Variants in JCHAIN observed in about 807,000 individuals in gnomAD.
The protein encoded by JCHAIN is joining chain of multimeric IgA and IgM, also known as immunoglobulin J chain.
In JCHAIN, 5 loss-of-function variants were observed where a neutral mutation model predicts 11.1. The ratio of observed to expected loss-of-function variants is 0.45; its 90% CI spans 0.24 to 0.95. The LOEUF is 0.95. Ranked by LOEUF, JCHAIN falls within the 40% of genes least tolerant of loss-of-function variation. The pLI is 0.21. For synonymous variants in JCHAIN, 51 were observed against 67.8 expected (o/e 0.75, Z 1.22); for missense variants, 165 against 192.7 (o/e 0.86, Z 0.85).
intron 2 of JCHAIN, among the ~76,000 whole-genome samples, chr4:70,659,136 T>C (rs13102821): frequency 6.6e-6 from 1 of 152,198 alleles, no homozygotes; most frequent in Non-Finnish European, 1.5e-5. Context: ...CCCTATAAAG[T>C]ATATGTGTAT....
Position 70,656,457 on chromosome 4 carries a change from T to G in JCHAIN, c.352A>C (p.Ser118Arg). 1 of 1,613,856 alleles carries G rather than the reference T, an allele frequency of 6.2e-7. No individual in the cohort carries two copies. The highest frequency in any genetic ancestry group is 8.5e-7 in the Non-Finnish European group (1 of 1,179,718). ...TAAGTGTAGCAGGTCTCTGTAGCACTGTCTTCATCACAGATATTGCTCTGG... is the reference window on the plus strand; with the variant it reads ...TAAGTGTAGCAGGTCTCTGTAGCACGGTCTTCATCACAGATATTGCTCTGG... ...ATQSNICDED[S>R]ATETCYTYDR... Residue 118 changes from serine (S) to arginine (R), a missense_variant, in exon 4 of 4, where the codon AGT becomes CGT. Coordinates refer to ENST00000254801, the MANE Select transcript of JCHAIN (RefSeq NM_144646.4).
Position 70,656,670 on chromosome 4 carries a change from T to A in JCHAIN, c.270-131A>T. ...AGCAAGGGATGACTCCTTTCAGACA[T>A]AAGCAGCTCTACAATACAGAATAGC... On this transcript the variant is annotated intron_variant, in intron 3 of 3. Coordinates refer to ENST00000254801, the MANE Select transcript of JCHAIN (RefSeq NM_144646.4). 7.5e-6 allele frequency: 5 copies of A among 662,270 alleles called. No homozygotes were observed. The South Asian group carries it at 8.9e-5, about 12-fold the overall frequency. The allele number at this position is 662,270 out of a possible 1,614,324, so 41.0% of individuals were successfully genotyped here.
At position 70,657,238 on chromosome 4, in the gene JCHAIN, G is replaced by C; in HGVS notation, c.242C>G (p.Thr81Ser). 6.2e-7 allele frequency: 1 copy of C among 1,602,456 alleles called. No homozygotes were observed. The highest frequency in any genetic ancestry group is 8.5e-7 in the Non-Finnish European group (1 of 1,170,002). The change falls in exon 3 of 4, where the codon ACC (threonine) becomes AGC (serine). Residue 81 changes from threonine (T) to serine (S), a missense_variant. By Grantham distance (58) the Thr-to-Ser change is moderately conservative. Coordinates refer to ENST00000254801, the MANE Select transcript of JCHAIN (RefSeq NM_144646.4). ...GTCAGACAAATGGTACACAAATCTG[G>C]TTCTCAATGGTGAGGTGGGATCAGA... ...NISDPTSPLRTRFVYHLSDLC... is the reference protein window; with the variant it reads ...NISDPTSPLRSRFVYHLSDLC...
intron 2 of JCHAIN, among the ~76,000 whole-genome samples, chr4:70,657,497 A>T (rs17734559): frequency 0.1 from 15,422 of 152,172 alleles, 1,044 homozygotes; most frequent in Middle Eastern, 0.14. Flanking sequence ...ACCTCACAAC[A>T]ACTCCGCTGT....
chr4:70,656,884 T>A (rs1243260671), intron 3 of JCHAIN, among the ~76,000 whole-genome samples: 1 of 152,210 alleles, frequency 6.6e-6, no homozygotes, highest in African/African-American at 2.4e-5. Flanking sequence ...AAAAAATTGA[T>A]GTTGGAGTCT....
intron 1 of JCHAIN, among the ~76,000 whole-genome samples, chr4:70,663,025 T>C (rs182249106): frequency 6.6e-6 from 1 of 152,060 alleles, no homozygotes; most frequent in Admixed American, 6.5e-5. Context: ...GTGCTGTAAA[T>C]TTGCAAAAGC....
chr4:70,658,111 T>TC (rs1738985033), intron 2 of JCHAIN, among the ~76,000 whole-genome samples: 1 of 152,140 alleles, frequency 6.6e-6, no homozygotes, highest in Admixed American at 6.6e-5. Context: ...CATACCTGAA[T>TC]CCTCCCCTGT....
At chr4:70,660,934 A>G (rs1403304241) in intron 2 of JCHAIN, among the ~76,000 whole-genome samples, 1 of 152,186 alleles carries the variant, frequency 6.6e-6, no homozygotes, top group Non-Finnish European at 1.5e-5. Context: ...AATATTCTCT[A>G]TTTATTTTTA....
chr4:70,659,549 C>CAAAAAAAAAAAAAA (rs35627461), intron 2 of JCHAIN, among the ~76,000 whole-genome samples: 1 of 16,552 alleles, frequency 6.0e-5, no homozygotes, highest in African/African-American at 2.8e-4. Flanking sequence ...GACTCTGTCT[C>CAAAAAAAAAAAAAA]AAAAAAAAAA....
At chr4:70,664,336 A>AC (rs1739112374) in intron 1 of JCHAIN, among the ~76,000 whole-genome samples, 1 of 152,160 alleles carries the variant, frequency 6.6e-6, no homozygotes, top group Non-Finnish European at 1.5e-5. Context: ...CCTCAACTAA[A>AC]AAAAAAACAT....
At chr4:70,666,064 C>T (rs1036683690) in intron 1 of JCHAIN, among the ~76,000 whole-genome samples, 3 of 152,094 alleles carry the variant, frequency 2.0e-5, no homozygotes, top group African/African-American at 7.2e-5. Flanking sequence ...CAATGCATTC[C>T]ATGTTGTACT....
chr4:70,662,172 C>A lies in JCHAIN; in HGVS notation c.108G>T (p.Lys36Asn), dbSNP rs202199302. The A allele has an allele frequency of 5.7e-5, 92 of 1,613,326 alleles. No homozygotes were observed. The highest frequency in any genetic ancestry group is 7.5e-5 in the Non-Finnish European group (89 of 1,179,384). Residue 36 changes from lysine to asparagine, a missense_variant, in exon 2 of 4, where the codon AAG (lysine) becomes AAT (asparagine). By Grantham distance (94) the Lys-to-Asn change is moderately conservative. Coordinates refer to ENST00000254801, the MANE Select transcript of JCHAIN (RefSeq NM_144646.4). ...TGATCCTGGAAGTAATCCGGGCACA[C>A]TTACATTTGTTGTCAACAAGAACAA... Reference protein sequence around the residue: ...ERIVLVDNKCKCARITSRIIR... With the variant: ...ERIVLVDNKCNCARITSRIIR...
chr4:70,664,855 C>T (rs555433332), intron 1 of JCHAIN, among the ~76,000 whole-genome samples: 4 of 152,172 alleles, frequency 2.6e-5, no homozygotes, highest in South Asian at 4.1e-4. Flanking sequence ...TTACCAGAAA[C>T]CTGGGAAGTT....
chr4:70,656,689 G>C, intron 3 of JCHAIN, 150 bp from the exon 4 acceptor site: 1 of 615,750 alleles, frequency 1.6e-6, no homozygotes, highest in Admixed American at 2.9e-5. Flanking sequence ...CTACAATACA[G>C]AATAGCTTAT....
chr4:70,658,649 C>T (rs1296151445), intron 2 of JCHAIN, among the ~76,000 whole-genome samples: 1 of 152,102 alleles, frequency 6.6e-6, no homozygotes, highest in African/African-American at 2.4e-5. Flanking sequence ...CTGGAATGAC[C>T]TGCCCCACCT....
intron 1 of JCHAIN, among the ~76,000 whole-genome samples, chr4:70,662,944 G>A (rs974057594): frequency 2.7e-5 from 4 of 150,800 alleles, no homozygotes; most frequent in African/African-American, 7.3e-5. Flanking sequence ...GGGCAACAGA[G>A]TGAGACTTCA....
In JCHAIN at chr4:70,657,193, GA is replaced by G. The variant is rs760158502; in HGVS notation, c.269+17del. On this transcript the variant is annotated intron_variant, in intron 3 of 3. Transcript: ENST00000254801. ...TAACTTCCACATCTATATTACTATG[GA>G]AAAAAATATATCTTACAGGTCAGAC... 29 of 1,439,232 alleles carry G rather than the reference GA, an allele frequency of 2.0e-5. No homozygotes were observed. Among genetic ancestry groups the G allele is most frequent in the Middle Eastern group, 1.8e-4 (1 of 5,688 alleles). The allele number at this position is 1,439,232 out of a possible 1,614,324, so 89.2% of individuals were successfully genotyped here. A position where few individuals can be genotyped will look rare whatever the true frequency, so the allele number is the denominator to read the frequency against.
In JCHAIN at chr4:70,656,548, C is replaced by T. The variant is rs1738953953; in HGVS notation, c.270-9G>A. ...GATCACATTTTTTACAGCTGAAAAG[C>T]AAATATATGTATTAGACAATCCCCT... On this transcript the variant is annotated splice_polypyrimidine_tract_variant and intron_variant, in intron 3 of 3. Coordinates refer to ENST00000254801, the MANE Select transcript of JCHAIN (RefSeq NM_144646.4). 6.3e-7 allele frequency: 1 copy of T among 1,597,044 alleles called. No homozygotes were observed. Among genetic ancestry groups the T allele is most frequent in the Non-Finnish European group, 8.6e-7 (1 of 1,166,046 alleles).
intron 1 of JCHAIN, chr4:70,663,342 C>T (rs1195111582): frequency 1.3e-5 from 2 of 151,758 alleles, no homozygotes; most frequent in East Asian, 1.9e-4. Context: ...AGGTGTGCAC[C>T]ATCACACCTG....
Sources: gnomAD v4.1 joint callset for allele counts (sites outside exome capture counted in the v4.1 genomes callset) on GRCh38, gnomAD v4.1.1 for gene constraint, MANE v1.5 for transcripts, NCBI Gene and HGNC (gene_info 2026-07-23, HGNC 2026-07-21) for gene names.